USP16: variants seen among roughly 807,000 people sequenced by gnomAD.
USP16 encodes the protein ubiquitin carboxyl-terminal hydrolase 16.
USP16 carries 77 observed loss-of-function variants against 95.9 expected under a neutral mutation model. The observed-to-expected ratio is 0.80, with a 90% CI of 0.67 to 0.97. The LOEUF (loss-of-function observed/expected upper bound fraction) is 0.97, where lower values mean the gene tolerates loss of function less well. USP16 is among the 50% of genes least tolerant of loss of function. USP16 has a pLI of 0.00. For synonymous variants in USP16, 303 were observed against 318.2 expected (o/e 0.95, Z 0.51); for missense variants, 943 against 959.9 (o/e 0.98, Z 0.23).
At chr21:29,035,204 G>A (rs1181422798) in intron 4 of USP16, among the ~76,000 whole-genome samples, 1 of 152,064 alleles carries the variant, frequency 6.6e-6, no homozygotes, top group Non-Finnish European at 1.5e-5. Flanking sequence ...GGCATATAGT[G>A]GAGATAGGGA....
intron 14 of USP16, among the ~76,000 whole-genome samples, chr21:29,048,169 A>C: frequency 7.0e-6 from 1 of 143,660 alleles, no homozygotes; most frequent in African/African-American, 2.6e-5. Context: ...TGCAATCTCC[A>C]CCTCCCGGGT....
chr21:29,024,872 G>C (rs1005605477), intron 1 of USP16, 95 bp downstream of exon 1: 13 of 1,176,320 alleles, frequency 1.1e-5, no homozygotes, highest in South Asian at 3.0e-5. Flanking sequence ...TTCTCTTCTT[G>C]AAGGCCGCTC....
In USP16 at chr21:29,050,192, G is replaced by T. The variant is rs779957098; in HGVS notation, c.2193+14G>T. 11 of 1,609,034 alleles carry T rather than the reference G, an allele frequency of 6.8e-6. No individual in the cohort carries two copies. The South Asian group carries it at 1.0e-4, about 15-fold the overall frequency. On this transcript the variant is annotated intron_variant, in intron 16 of 17. Coordinates refer to ENST00000399976, the MANE Select transcript of USP16 (RefSeq NM_006447.3). Reference sequence around the variant, plus strand: ...CTTAAATGTAAGGTAAGTCAAAGTGGTCTTTTTCAGGAAAGTCCTTTAAAG... The same window carrying T: ...CTTAAATGTAAGGTAAGTCAAAGTGTTCTTTTTCAGGAAAGTCCTTTAAAG...
chr21:29,033,966 A>G (rs186323427), intron 3 of USP16, among the ~76,000 whole-genome samples: 10 of 152,342 alleles, frequency 6.6e-5, no homozygotes, highest in Admixed American at 5.2e-4. Context: ...ACAAAATTGC[A>G]TAGTTGTGAA....
Position 29,039,472 on chromosome 21 carries a change from T to A in USP16, c.864-9T>A, listed in dbSNP as rs759181086. ...AAGATTGCTTTTCTGTCTTTTTGTT[T>A]TTCTCTAGAGCAGTGCGGTTTAAAG... On this transcript the variant is annotated splice_polypyrimidine_tract_variant and intron_variant, in intron 8 of 17. Transcript: ENST00000399976. 6.2e-7 allele frequency: 1 copy of A among 1,610,262 alleles called. No homozygotes were observed. Among genetic ancestry groups the A allele is most frequent in the Non-Finnish European group, 8.5e-7 (1 of 1,177,662 alleles).
chr21:29,037,137 A>G, intron 5 of USP16, 139 bp from the exon 6 acceptor site: 1 of 476,192 alleles, frequency 2.1e-6, no homozygotes, highest in Non-Finnish European at 3.4e-6. Flanking sequence ...ACCTGTATCT[A>G]TTTAAAATCA....
At chr21:29,038,885 C>T (rs1202420239) in intron 7 of USP16, 141 bp from the exon 8 acceptor site, 1 of 778,570 alleles carries the variant, frequency 1.3e-6, no homozygotes, top group African/African-American at 1.8e-5. Flanking sequence ...CAGTTTCTAT[C>T]TCTTTTGATG....
chr21:29,028,717 G>A (rs1385670921), intron 2 of USP16, among the ~76,000 whole-genome samples: 1 of 152,204 alleles, frequency 6.6e-6, no homozygotes, highest in African/African-American at 2.4e-5. Context: ...TTACAGGCGT[G>A]AGCCACCGCG....
chr21:29,053,909 C>T lies in USP16; in HGVS notation c.2301C>T (p.Thr767=), dbSNP rs137890352. Residue 767 remains threonine, a synonymous_variant, in exon 17 of 18, where the codon ACC becomes ACT. Coordinates refer to ENST00000399976, the MANE Select transcript of USP16 (RefSeq NM_006447.3). The stretch of plus-strand genomic sequence containing the variant: ...ACACTGCCTATGCCAAGGCAAGAAC[C>T]GCAAATAGTCATCTCTCTAATCTTG... ...GHYTAYAKAR[T]ANSHLSNLVL... is the part of the protein sequence containing the mutation. The T allele has an allele frequency of 5.4e-4, 864 of 1,614,100 alleles. No homozygotes were observed. The highest frequency in any genetic ancestry group is 6.4e-4 in the Non-Finnish European group (752 of 1,180,044).
intron 4 of USP16, among the ~76,000 whole-genome samples, 170 bp downstream of exon 4, chr21:29,035,110 G>A (rs1200970696): frequency 4.6e-5 from 7 of 152,166 alleles, no homozygotes; most frequent in Admixed American, 2.0e-4. Context: ...GCTTTTACTT[G>A]GACGTTTGCA....
intron 13 of USP16, among the ~76,000 whole-genome samples, chr21:29,046,315 A>T (rs1464943357): frequency 2.0e-5 from 3 of 150,134 alleles, no homozygotes; most frequent in Non-Finnish European, 4.4e-5. Flanking sequence ...TTTTATTTTT[A>T]TTTTTTTTTA....
chr21:29,051,748 T>C (rs1451573958), intron 16 of USP16, among the ~76,000 whole-genome samples: 1 of 151,642 alleles, frequency 6.6e-6, no homozygotes, highest in South Asian at 2.1e-4. Flanking sequence ...GGAGAATTGC[T>C]GGAACCTGGG....
At chr21:29,039,368 T>C in intron 8 of USP16, 113 bp from the exon 9 acceptor site, 1 of 1,251,384 alleles carries the variant, frequency 8.0e-7, no homozygotes, top group Admixed American at 2.7e-5. Context: ...AAACGGAAAT[T>C]TGTAGAAACC....
chr21:29,036,971 A>T (rs2085166861), intron 5 of USP16, among the ~76,000 whole-genome samples: 2 of 152,244 alleles, frequency 1.3e-5, no homozygotes, highest in Non-Finnish European at 1.5e-5. Flanking sequence ...TCACAAGGTA[A>T]GATGTGTTCA....
intron 15 of USP16, 29 bp from the exon 16 acceptor site, chr21:29,050,060 AAAG>A: frequency 6.3e-7 from 1 of 1,589,180 alleles, no homozygotes; most frequent in Non-Finnish European, 8.6e-7. Context: ...TTTTCCAAGA[AAAG>A]AAGTCAATCT....
At chr21:29,030,546 A>C in intron 2 of USP16, 49 bp from the exon 3 acceptor site, 1 of 1,434,260 alleles carries the variant, frequency 7.0e-7, no homozygotes. Flanking sequence ...TAACTGAAGA[A>C]AGTCATTTTT....
Position 29,030,767 on chromosome 21 carries a change from C to T in USP16, c.234C>T (p.Gly78=). Residue 78 remains glycine, a synonymous_variant, in exon 3 of 18, where the codon GGC becomes GGT. Transcript: ENST00000399976. ...CAGTTTGGCTGTGTCTTAAATGTGG[C>T]CATCAGGTATGCTTACGTTTTAAGA... ...KPSVWLCLKC[G]HQGCGRNSQE... is the part of the protein sequence containing the mutation. 1 of 1,600,820 alleles carries T rather than the reference C, an allele frequency of 6.2e-7. No individual in the cohort carries two copies. Among genetic ancestry groups the T allele is most frequent in the Non-Finnish European group, 8.5e-7 (1 of 1,175,998 alleles).
At position 29,028,054 on chromosome 21, in the gene USP16, CAT is replaced by C. The variant is rs1389824661; in HGVS notation, c.61+83_61+84del. 2.8e-6 allele frequency: 3 copies of C among 1,058,376 alleles called. No individual in the cohort carries two copies. The African/African-American group carries it at 4.9e-5, about 17-fold the overall frequency. The allele number at this position is 1,058,376 out of a possible 1,614,324, so 65.6% of individuals were successfully genotyped here. On this transcript the variant is annotated intron_variant, in intron 2 of 17. Coordinates refer to ENST00000399976, the MANE Select transcript of USP16 (RefSeq NM_006447.3). ...AAAATGTAAAAATGGTATAAAGCTG[CAT>C]ATTATTGTTATATTATCTGCATTTT...
intron 3 of USP16, among the ~76,000 whole-genome samples, chr21:29,033,938 A>G (rs2085113739): frequency 6.6e-6 from 1 of 152,234 alleles, no homozygotes; most frequent in South Asian, 2.1e-4. Flanking sequence ...AGGATTCTGG[A>G]TAAATAGAAT....
Sources: gnomAD v4.1 joint callset for allele counts (sites outside exome capture counted in the v4.1 genomes callset) on GRCh38, gnomAD v4.1.1 for gene constraint, MANE v1.5 for transcripts, NCBI Gene and HGNC (gene_info 2026-07-23, HGNC 2026-07-21) for gene names.